The following SLC25A12 variants were observed in gnomAD, a reference collection of about 807,000 sequenced individuals.
The protein encoded by SLC25A12 is electrogenic aspartate/glutamate antiporter SLC25A12, mitochondrial.
In SLC25A12, 32 loss-of-function variants were observed where a neutral mutation model predicts 83.3. That is an observed-to-expected ratio of 0.38 (90% CI 0.29 to 0.52). The LOEUF is 0.52. Ranked by LOEUF, SLC25A12 falls within the 20% of genes least tolerant of loss-of-function variation. The pLI, the probability that SLC25A12 is intolerant of heterozygous loss-of-function variation, is 0.84. For missense variants in SLC25A12, 611 were observed against 835.6 expected (o/e 0.73, Z 3.31); for synonymous variants, 267 against 291.1 (o/e 0.92, Z 0.84).
intron 9 of SLC25A12, among the ~76,000 whole-genome samples, chr2:171,818,451 T>A (rs1684102438): frequency 6.6e-6 from 1 of 151,810 alleles, no homozygotes; most frequent in Non-Finnish European, 1.5e-5. Context: ...TCTCTTCATT[T>A]TTTTGTTATA....
chr2:171,803,263 A>G (rs1273265222), intron 13 of SLC25A12, among the ~76,000 whole-genome samples: 2 of 152,148 alleles, frequency 1.3e-5, no homozygotes, highest in Non-Finnish European at 2.9e-5. Flanking sequence ...AAAGGCATAC[A>G]TCTTTCATGA....
chr2:171,854,335 G>A (rs1043158038), intron 4 of SLC25A12, among the ~76,000 whole-genome samples: 7 of 152,158 alleles, frequency 4.6e-5, no homozygotes, highest in African/African-American at 1.2e-4. Context: ...TTGGGAGGCC[G>A]AGACAGACGG....
intron 5 of SLC25A12, among the ~76,000 whole-genome samples, chr2:171,839,512 T>G (rs1684628056): frequency 6.6e-6 from 1 of 152,204 alleles, no homozygotes; most frequent in South Asian, 2.1e-4. Context: ...AGATGAAAAT[T>G]AGCAGAGCTT....
chr2:171,794,911 C>T, intron 13 of SLC25A12, among the ~76,000 whole-genome samples: 1 of 152,140 alleles, frequency 6.6e-6, no homozygotes, highest in South Asian at 2.1e-4. Context: ...TTCAATGGCA[C>T]TTCAGTGCTC....
chr2:171,866,867 C>T (rs1685331925), intron 3 of SLC25A12, among the ~76,000 whole-genome samples: 1 of 151,616 alleles, frequency 6.6e-6, no homozygotes, highest in Non-Finnish European at 1.5e-5. Context: ...ACGCTCCTCA[C>T]TTCCCAGACG....
intron 14 of SLC25A12, among the ~76,000 whole-genome samples, chr2:171,792,323 T>C (rs887838060): frequency 9.9e-5 from 15 of 151,644 alleles, no homozygotes; most frequent in African/African-American, 3.6e-4. Flanking sequence ...GGTCTCACTA[T>C]GTTGCCCAGG....
chr2:171,882,298 A>G (rs1328184307), intron 2 of SLC25A12, among the ~76,000 whole-genome samples: 1 of 152,198 alleles, frequency 6.6e-6, no homozygotes, highest in Non-Finnish European at 1.5e-5. Flanking sequence ...GGCTGACTCA[A>G]CTGAACAGTT....
chr2:171,797,769 G>A (rs77121366), intron 13 of SLC25A12, among the ~76,000 whole-genome samples: 95 of 152,012 alleles, frequency 6.2e-4, no homozygotes, highest in African/African-American at 2.3e-3. Flanking sequence ...TGAAATAATC[G>A]ACACTAAGAT....
intron 2 of SLC25A12, among the ~76,000 whole-genome samples, chr2:171,879,036 A>G (rs933705190): frequency 3.9e-5 from 6 of 152,228 alleles, no homozygotes; most frequent in Admixed American, 3.9e-4. Context: ...ATTAGAATAA[A>G]AGAGCATTCT....
chr2:171,877,882 A>AT (rs1445492971), intron 2 of SLC25A12, among the ~76,000 whole-genome samples: 4 of 152,184 alleles, frequency 2.6e-5, no homozygotes, highest in Non-Finnish European at 5.9e-5. Context: ...TTGATGTTTT[A>AT]TATCTCTAAA....
intron 14 of SLC25A12, among the ~76,000 whole-genome samples, chr2:171,792,830 A>C (rs1161716035): frequency 2.0e-5 from 3 of 152,206 alleles, no homozygotes; most frequent in African/African-American, 7.2e-5. Context: ...TGTGATTCCA[A>C]TCTAGAGAAT....
intron 13 of SLC25A12, among the ~76,000 whole-genome samples, chr2:171,805,663 A>G (rs1182605568): frequency 6.6e-6 from 1 of 152,252 alleles, no homozygotes; most frequent in East Asian, 1.9e-4. Context: ...TAAGAAAGGT[A>G]TCTATTCCTC....
intron 9 of SLC25A12, 122 bp from the exon 10 acceptor site, chr2:171,815,324 T>C (rs1251216814): frequency 5.8e-6 from 4 of 690,242 alleles, no homozygotes; most frequent in Admixed American, 2.3e-5. Flanking sequence ...GTTAATGCAG[T>C]AATATCTTTT....
chr2:171,854,817 C>G lies in SLC25A12; in HGVS notation c.325+1017G>C, dbSNP rs112343430. Among the ~76,000 whole-genome samples the G allele has an allele frequency of 9.4e-3, 1,434 of 152,228 alleles. 23 individuals carry two copies. Among genetic ancestry groups the G allele is most frequent in the African/African-American group, 0.033 (1,354 of 41,530 alleles). Reference sequence around the variant, plus strand: ...ACTAAAGGACATCTATTTTATAACTCAAACACAATAGTGAATAAGTGTTTA... The same window carrying G: ...ACTAAAGGACATCTATTTTATAACTGAAACACAATAGTGAATAAGTGTTTA... On this transcript the variant is annotated intron_variant, in intron 4 of 17. Transcript: ENST00000422440.
chr2:171,882,588 T>C (rs978244446), intron 2 of SLC25A12, among the ~76,000 whole-genome samples: 2 of 152,242 alleles, frequency 1.3e-5, no homozygotes, highest in African/African-American at 4.8e-5. Flanking sequence ...GATCCACTCA[T>C]GGCTAGAGCC....
chr2:171,842,594 C>CA (rs949013150), intron 5 of SLC25A12, among the ~76,000 whole-genome samples: 2 of 150,890 alleles, frequency 1.3e-5, no homozygotes, highest in African/African-American at 4.9e-5. Context: ...AATTCTGTCT[C>CA]AAAAAAAAGA....
At chr2:171,797,558 CAAGA>C (rs1683625042) in intron 13 of SLC25A12, among the ~76,000 whole-genome samples, 1 of 152,168 alleles carries the variant, frequency 6.6e-6, no homozygotes, top group Non-Finnish European at 1.5e-5. Flanking sequence ...GCAACAACAA[CAAGA>C]AACAGACCTG....
chr2:171,847,680 G>A (rs189879375), intron 4 of SLC25A12, among the ~76,000 whole-genome samples: 26 of 152,234 alleles, frequency 1.7e-4, no homozygotes, highest in Admixed American at 5.9e-4. Flanking sequence ...GCAAAATCAC[G>A]ATATAGTATT....
intron 3 of SLC25A12, among the ~76,000 whole-genome samples, chr2:171,865,322 A>C (rs1685263184): frequency 6.6e-6 from 1 of 152,190 alleles, no homozygotes; most frequent in Non-Finnish European, 1.5e-5. Flanking sequence ...CCATTTTTAT[A>C]AACTTTGAAT....
Sources: allele counts gnomAD v4.1 joint callset (sites outside exome capture counted in the v4.1 genomes callset), GRCh38; gene constraint gnomAD v4.1.1; transcripts MANE v1.5; gene names NCBI Gene and HGNC (gene_info 2026-07-23, HGNC 2026-07-21).